The following COX19 variants were observed in gnomAD, a reference collection of about 807,000 sequenced individuals.
COX19 encodes the protein cytochrome c oxidase assembly protein COX19.
COX19 carries 8 observed loss-of-function variants against 6.8 expected under a neutral mutation model. The ratio of observed to expected loss-of-function variants is 1.18; its 90% CI spans 0.69 to 2.12. The LOEUF (loss-of-function observed/expected upper bound fraction) is 2.12. Among genes scored for constraint, COX19 ranks in the 30% most tolerant of loss-of-function variants. The pLI, the probability that COX19 is intolerant of heterozygous loss-of-function variation, is 0.00. For synonymous variants in COX19, 51 were observed against 38.0 expected, an observed-to-expected ratio of 1.34 and a Z score of -1.26; for missense variants, 131 against 104.6, an observed-to-expected ratio of 1.25 and a Z score of -1.10.
intron 1 of COX19, 59 bp from the exon 2 acceptor site, chr7:973,351 A>G: frequency 6.6e-7 from 1 of 1,506,460 alleles, no homozygotes; most frequent in Non-Finnish European, 8.9e-7. Context: ...GCAACCACAC[A>G]ACAGCCTTAA....
chr7:972,973 C>T, intron 2 of COX19: 1 of 355,498 alleles, frequency 2.8e-6, no homozygotes, highest in Non-Finnish European at 5.1e-6. Context: ...CGCTATCGCT[C>T]AAGAAGAGGT....
In COX19 at chr7:966,917, C is replaced by G. The variant is rs1256529746; in HGVS notation, c.*2461G>C. 6.6e-6 allele frequency: 1 copy of G among 152,180 alleles called. No homozygotes were observed. The highest frequency in any genetic ancestry group is 1.9e-4 in the East Asian group (1 of 5,210). The allele number at this position is 152,180 out of a possible 1,614,324, so 9.4% of individuals were successfully genotyped here. The stretch of plus-strand genomic sequence containing the variant: ...TCAGCAGCCATCTCGGTGATCAGAC[C>G]AGCCATCGCGGTGATGTGGTGCTTG... On this transcript the variant is annotated 3_prime_UTR_variant, in exon 3 of 3. Transcript: ENST00000344111.
chr7:972,460 G>T (rs941328981), intron 2 of COX19, among the ~76,000 whole-genome samples: 2 of 152,198 alleles, frequency 1.3e-5, no homozygotes, highest in Non-Finnish European at 2.9e-5. Flanking sequence ...GTGGATGGGC[G>T]AATTGTCAAC....
At position 967,667 on chromosome 7, in the gene COX19, CT is replaced by C. The variant is rs1314138914; in HGVS notation, c.*1710del. The C allele has an allele frequency of 6.6e-6, 1 of 152,316 alleles. No homozygotes were observed. Among genetic ancestry groups the C allele is most frequent in the Non-Finnish European group, 1.5e-5 (1 of 68,086 alleles). The allele number at this position is 152,316 out of a possible 1,614,324, so 9.4% of individuals were successfully genotyped here. A position where few individuals can be genotyped will look rare whatever the true frequency, so the allele number is the denominator to read the frequency against. On this transcript the variant is annotated 3_prime_UTR_variant, in exon 3 of 3. Transcript: ENST00000344111. ...TTCCCCTCACATCCTGGTTCATTTA[CT>C]TTTTGAGCATGTGAAACCCTCTGCC... is the stretch of plus-strand genomic sequence containing the variant.
chr7:974,654 T>C lies in COX19; in HGVS notation c.82+774A>G, dbSNP rs1276979419. ...CAGTAATTCACAGATCGTTTTTCTT[T>C]TCTTTTCTTTCTTTTTTTTTTTGAG... On this transcript the variant is annotated intron_variant, in intron 1 of 2. Transcript: ENST00000344111. Among the ~76,000 whole-genome samples, 5 of 152,004 alleles carry C rather than the reference T, an allele frequency of 3.3e-5. No individual in the cohort carries two copies. The East Asian group carries it at 9.6e-4, about 29-fold the overall frequency.
intron 2 of COX19, among the ~76,000 whole-genome samples, chr7:972,359 C>T (rs188779621): frequency 1.3e-5 from 2 of 152,300 alleles, no homozygotes; most frequent in Admixed American, 6.5e-5. Flanking sequence ...CGAATAACCC[C>T]GAACACACCT....
Position 966,745 on chromosome 7 carries a change from T to G in COX19, c.*2633A>C, listed in dbSNP as rs949643855. 3.3e-5 allele frequency: 5 copies of G among 152,266 alleles called. No homozygotes were observed. The highest frequency in any genetic ancestry group is 1.2e-4 in the African/African-American group (5 of 41,442). 9.4% of individuals were successfully genotyped at this position (152,266 alleles called of 1,614,324 possible). A position where few individuals can be genotyped will look rare whatever the true frequency, so the allele number is the denominator to read the frequency against. On this transcript the variant is annotated 3_prime_UTR_variant, in exon 3 of 3. Transcript: ENST00000344111. Reference sequence around the variant, plus strand: ...TTCAGTTACCCATGGTCAGCCACAGTCCAAAAATACTAAGTGGAAAATTCC... The same window carrying G: ...TTCAGTTACCCATGGTCAGCCACAGGCCAAAAATACTAAGTGGAAAATTCC...
At chr7:973,910 G>T (rs375067916) in intron 1 of COX19, among the ~76,000 whole-genome samples, 2 of 146,708 alleles carry the variant, frequency 1.4e-5, no homozygotes, top group African/African-American at 2.5e-5. Flanking sequence ...AGGTTGCAGC[G>T]AGTCGAGATC....
At position 966,775 on chromosome 7, in the gene COX19, A is replaced by G. The variant is rs1847560828; in HGVS notation, c.*2603T>C. On this transcript the variant is annotated 3_prime_UTR_variant, in exon 3 of 3. Coordinates refer to ENST00000344111, the MANE Select transcript of COX19 (RefSeq NM_001031617.3). ...AAATACTAAGTGGAAAATTCCAGAA[A>G]TAAACCATTCATGAGTTTTTGATTC... 1.3e-5 allele frequency: 2 copies of G among 152,268 alleles called. No individual in the cohort carries two copies. Among genetic ancestry groups the G allele is most frequent in the Admixed American group, 1.3e-4 (2 of 15,278 alleles). The allele number at this position is 152,268 out of a possible 1,614,324, so 9.4% of individuals were successfully genotyped here. A position where few individuals can be genotyped will look rare whatever the true frequency, so the allele number is the denominator to read the frequency against.
rs1342489381 is a variant in COX19 at position 965,151 on chromosome 7, G to A, written c.*4227C>T. 3.3e-5 allele frequency among the ~76,000 whole-genome samples: 5 copies of A among 152,082 alleles called. No individual in the cohort carries two copies. Among genetic ancestry groups the A allele is most frequent in the South Asian group, 2.1e-4 (1 of 4,826 alleles). The stretch of plus-strand genomic sequence containing the variant: ...GTGACCTGCTGAAACCATTCATGCC[G>A]GCATCATGCCTATTGGAAACTCTTT... On this transcript the variant is annotated 3_prime_UTR_variant, in exon 3 of 3. Transcript: ENST00000344111.
chr7:972,344 C>T (rs1480706127), intron 2 of COX19, among the ~76,000 whole-genome samples: 1 of 152,142 alleles, frequency 6.6e-6, no homozygotes, highest in Admixed American at 6.5e-5. Flanking sequence ...CCCCAAATGT[C>T]CACACGAATA....
rs954443110 is a variant in COX19 at position 967,336 on chromosome 7, T to C, written c.*2042A>G. On this transcript the variant is annotated 3_prime_UTR_variant, in exon 3 of 3. Transcript: ENST00000344111. The stretch of plus-strand genomic sequence containing the variant: ...TCTCTATCCAGTTACCTTTGTACGT[T>C]AGAAAAGCAGGAGCTCAATACACCT... 1.3e-5 allele frequency: 2 copies of C among 152,262 alleles called. No individual in the cohort carries two copies. The highest frequency in any genetic ancestry group is 2.4e-5 in the African/African-American group (1 of 41,462). The allele number at this position is 152,262 out of a possible 1,614,324, so 9.4% of individuals were successfully genotyped here.
intron 1 of COX19, 167 bp downstream of exon 1, chr7:975,261 A>T: frequency 1.9e-6 from 1 of 537,596 alleles, no homozygotes; most frequent in Non-Finnish European, 3.3e-6. Flanking sequence ...TGCAGGGTCC[A>T]TGCCGCAGCA....
Position 967,993 on chromosome 7 carries a change from A to T in COX19, c.*1385T>A, listed in dbSNP as rs1448441637. 1 of 152,260 alleles carries T rather than the reference A, an allele frequency of 6.6e-6. No homozygotes were observed. Among genetic ancestry groups the T allele is most frequent in the Non-Finnish European group, 1.5e-5 (1 of 68,046 alleles). The allele number at this position is 152,260 out of a possible 1,614,324, so 9.4% of individuals were successfully genotyped here. ...CCCTGTGCCTACACAAAATATTCTA[A>T]TAAGAAACAAGACTTTCCATCAACT... On this transcript the variant is annotated 3_prime_UTR_variant, in exon 3 of 3. Coordinates refer to ENST00000344111, the MANE Select transcript of COX19 (RefSeq NM_001031617.3).
rs1847532132 is a variant in COX19 at position 965,072 on chromosome 7, G to A, written c.*4306C>T. Among the ~76,000 whole-genome samples, 2 of 152,186 alleles carry A rather than the reference G, an allele frequency of 1.3e-5. No individual in the cohort carries two copies. Among genetic ancestry groups the A allele is most frequent in the Admixed American group, 6.5e-5 (1 of 15,278 alleles). ...TTGGGAAGCCACTGCACGTTTGTAAGGAGTCAGGTTGTCCACACAATGGCG... is the reference window on the plus strand; with the variant it reads ...TTGGGAAGCCACTGCACGTTTGTAAAGAGTCAGGTTGTCCACACAATGGCG... On this transcript the variant is annotated 3_prime_UTR_variant, in exon 3 of 3. Transcript: ENST00000344111.
In COX19 at chr7:969,223, C is replaced by A; in HGVS notation, c.*155G>T. On this transcript the variant is annotated 3_prime_UTR_variant, in exon 3 of 3. Coordinates refer to ENST00000344111, the MANE Select transcript of COX19 (RefSeq NM_001031617.3). ...TCCTAAGGGAAAACGGGACGCCACT[C>A]CCTACCCAGGAGACGCCCCCACAGG... 1.5e-6 allele frequency: 1 copy of A among 646,662 alleles called. No individual in the cohort carries two copies. The highest frequency in any genetic ancestry group is 2.8e-6 in the Non-Finnish European group (1 of 361,674). 40.1% of individuals were successfully genotyped at this position (646,662 alleles called of 1,614,324 possible).
chr7:971,668 C>G (rs971692991), intron 2 of COX19, among the ~76,000 whole-genome samples: 2 of 152,050 alleles, frequency 1.3e-5, no homozygotes, highest in African/African-American at 2.4e-5. Context: ...TCAGGAGATC[C>G]AGACCATCCT....
At chr7:972,112 G>C (rs1847644781) in intron 2 of COX19, among the ~76,000 whole-genome samples, 1 of 152,158 alleles carries the variant, frequency 6.6e-6, no homozygotes, top group Non-Finnish European at 1.5e-5. Context: ...GCGCCATGGA[G>C]AAATTCTCAG....
At position 967,467 on chromosome 7, in the gene COX19, C is replaced by T. The variant is rs1005927322; in HGVS notation, c.*1911G>A. On this transcript the variant is annotated 3_prime_UTR_variant, in exon 3 of 3. Coordinates refer to ENST00000344111, the MANE Select transcript of COX19 (RefSeq NM_001031617.3). ...TTACTACTTAGAGTACAGTATCTTT[C>T]CTGTCTTTCCCACCTTTGGTCGACG... 2.0e-5 allele frequency: 3 copies of T among 152,238 alleles called. No individual in the cohort carries two copies. Among genetic ancestry groups the T allele is most frequent in the Non-Finnish European group, 2.9e-5 (2 of 68,034 alleles). The allele number at this position is 152,238 out of a possible 1,614,324, so 9.4% of individuals were successfully genotyped here.
Sources: allele counts gnomAD v4.1 joint callset (sites outside exome capture counted in the v4.1 genomes callset), GRCh38; gene constraint gnomAD v4.1.1; transcripts MANE v1.5; gene names NCBI Gene and HGNC (gene_info 2026-07-23, HGNC 2026-07-21).